RBFOX1: variants seen among roughly 807,000 people sequenced by gnomAD.
RBFOX1 encodes the protein RNA binding fox-1 homolog 1.
A neutral mutation model predicts 57.7 loss-of-function variants in RBFOX1; 8 were observed. The ratio of observed to expected loss-of-function variants is 0.14; its 90% CI spans 0.08 to 0.25. The LOEUF is 0.25. RBFOX1 is among the 10% of genes least tolerant of loss of function. The pLI, the probability that RBFOX1 is intolerant of heterozygous loss-of-function variation, is 1.00. For synonymous variants in RBFOX1, 326 were observed against 222.4 expected (o/e 1.47, Z -4.15); for missense variants, 611 against 548.5 (o/e 1.11, Z -1.14).
chr16:7,657,331 G>GTCTT (rs1667880525), intron 12 of RBFOX1, among the ~76,000 whole-genome samples: 2 of 152,118 alleles, frequency 1.3e-5, no homozygotes, highest in South Asian at 4.1e-4. Flanking sequence ...TTGAGACGGA[G>GTCTT]TCTTACTCTG....
At chr16:7,393,660 C>T (rs2098085987) in intron 4 of RBFOX1, among the ~76,000 whole-genome samples, 1 of 152,094 alleles carries the variant, frequency 6.6e-6, no homozygotes, top group African/African-American at 2.4e-5. Flanking sequence ...GTAAGAAGAT[C>T]TGGATTATTC....
intron 3 of RBFOX1, among the ~76,000 whole-genome samples, chr16:6,959,739 C>G (rs1021737286): frequency 6.6e-6 from 1 of 152,068 alleles, no homozygotes; most frequent in Non-Finnish European, 1.5e-5. Flanking sequence ...GAGTTCGAGA[C>G]CAGCCTGGCC....
At chr16:6,594,118 A>G (rs1215213301) in intron 2 of RBFOX1, among the ~76,000 whole-genome samples, 1 of 152,250 alleles carries the variant, frequency 6.6e-6, no homozygotes, top group Admixed American at 6.5e-5. Context: ...GAAGTGGAAC[A>G]GCAATTCATA....
At chr16:6,646,228 C>G (rs1003737291) in intron 2 of RBFOX1, among the ~76,000 whole-genome samples, 1 of 152,042 alleles carries the variant, frequency 6.6e-6, no homozygotes, top group Non-Finnish European at 1.5e-5. Flanking sequence ...CAGCGTGATC[C>G]GAACAATAAT....
intron 3 of RBFOX1, among the ~76,000 whole-genome samples, chr16:6,773,002 A>ATTTGTGTGTG (rs1555454910): frequency 1.4e-5 from 1 of 73,678 alleles, no homozygotes; most frequent in Non-Finnish European, 3.1e-5. Flanking sequence ...TGGGGTGCAT[A>ATTTGTGTGTG]TGTGTGTGTG....
intron 2 of RBFOX1, among the ~76,000 whole-genome samples, chr16:5,501,342 GA>G (rs1322379625): frequency 8.9e-6 from 1 of 111,928 alleles, no homozygotes; most frequent in African/African-American, 3.8e-5. Flanking sequence ...AAAAAAAAAA[GA>G]AAAAATAAAA....
At chr16:5,801,915 A>G (rs2055070252) in intron 3 of RBFOX1, among the ~76,000 whole-genome samples, 1 of 152,108 alleles carries the variant, frequency 6.6e-6, no homozygotes, top group Non-Finnish European at 1.5e-5. Context: ...ATGGAGCATA[A>G]AGGAAAGCGA....
At chr16:6,088,530 C>CTCCTTCCTTCCTTCCT (rs144314209) in intron 1 of RBFOX1, among the ~76,000 whole-genome samples, 44 of 149,992 alleles carry the variant, frequency 2.9e-4, no homozygotes, top group African/African-American at 1.1e-3. Context: ...CTTTCCTTTT[C>CTCCTTCCTTCCTTCCT]TCCTTCCTTC....
At position 6,515,705 on chromosome 16, in the gene RBFOX1, G is replaced by A. The variant is rs552542146; in HGVS notation, c.-63-138898G>A. On this transcript the variant is annotated intron_variant, in intron 2 of 15. Coordinates refer to ENST00000550418, the MANE Select transcript of RBFOX1 (RefSeq NM_018723.4). The stretch of plus-strand genomic sequence containing the variant: ...ATTCCATTTCTCAAAACCCTCCCCT[G>A]CTTTGACTTCAGGCTACCCCATACC... Among the ~76,000 whole-genome samples, 4 of 152,008 alleles carry A rather than the reference G, an allele frequency of 2.6e-5. No individual in the cohort carries two copies. In the East Asian group the frequency reaches 7.7e-4, roughly 29 times the overall value.
In RBFOX1 at chr16:6,539,906, C is replaced by T. The variant is rs576322650; in HGVS notation, c.-63-114697C>T. Among the ~76,000 whole-genome samples, 37 of 151,896 alleles carry T rather than the reference C, an allele frequency of 2.4e-4. No individual in the cohort carries two copies. In the East Asian group the frequency reaches 5.7e-3, roughly 23 times the overall value. ...GCTTCTGCATGAACTTTTAAACCTT[C>T]TCCACCAAGGCAAGGTAACTTTAAA... On this transcript the variant is annotated intron_variant, in intron 2 of 15. Coordinates refer to ENST00000550418, the MANE Select transcript of RBFOX1 (RefSeq NM_018723.4).
At chr16:7,095,930 A>C (rs944772893) in intron 4 of RBFOX1, among the ~76,000 whole-genome samples, 1 of 150,482 alleles carries the variant, frequency 6.6e-6, no homozygotes, top group Non-Finnish European at 1.5e-5. Flanking sequence ...GGAGAATGGC[A>C]TGAACCCAGG....
chr16:7,064,161 C>CT (rs869135535), intron 4 of RBFOX1, among the ~76,000 whole-genome samples: 315 of 96,800 alleles, frequency 3.3e-3, no homozygotes, highest in Middle Eastern at 6.9e-3. Context: ...GACTGGTGTT[C>CT]TTTTTTTTTT....
At chr16:7,438,969 A>G (rs996739997) in intron 4 of RBFOX1, among the ~76,000 whole-genome samples, 1 of 152,336 alleles carries the variant, frequency 6.6e-6, no homozygotes. Context: ...AGTGAGAAGC[A>G]CCTGTATGTA....
chr16:6,861,265 T>C lies in RBFOX1; in HGVS notation c.-15-190792T>C, dbSNP rs148012636. ...TTTTTTGAGCACCACACTCTAACCA[T>C]AGTCTTTGCAAAAGGGTTTTATACA... is the stretch of plus-strand genomic sequence containing the variant. On this transcript the variant is annotated intron_variant, in intron 3 of 15. Coordinates refer to ENST00000550418, the MANE Select transcript of RBFOX1 (RefSeq NM_018723.4). Among the ~76,000 whole-genome samples, 784 of 152,272 alleles carry C rather than the reference T, an allele frequency of 5.1e-3. 7 individuals carry two copies. The highest frequency in any genetic ancestry group is 0.018 in the African/African-American group (729 of 41,552).
rs112781046 is a variant in RBFOX1, at chr16:7,533,086, G to A, written c.270+14697G>A. ...TGTCATCCGTCCCCTCTGACTATTT[G>A]TCATAGTCGCCAGCACTGCCTGTAG... On this transcript the variant is annotated intron_variant, in intron 5 of 15. Transcript: ENST00000550418. 2.6e-5 allele frequency among the ~76,000 whole-genome samples: 4 copies of A among 152,302 alleles called. 1 individual carries two copies. Among genetic ancestry groups the A allele is most frequent in the African/African-American group, 9.6e-5 (4 of 41,566 alleles).
At chr16:6,563,811 G>A (rs2097217186) in intron 2 of RBFOX1, among the ~76,000 whole-genome samples, 1 of 151,622 alleles carries the variant, frequency 6.6e-6, no homozygotes, top group Admixed American at 6.6e-5. Context: ...AGGAGACACA[G>A]TGGGATCCTG....
In RBFOX1 at chr16:6,884,147, T is replaced by G. The variant is rs143082201; in HGVS notation, c.-15-167910T>G. ...CTGATGCTCGACCGAGCAGAGCTAC[T>G]GCAGACAGAAGCTGCTTCCGAGGCC... On this transcript the variant is annotated intron_variant, in intron 3 of 15. Transcript: ENST00000550418. 6.7e-3 allele frequency among the ~76,000 whole-genome samples: 1,027 copies of G among 152,306 alleles called. 10 individuals carry two copies. The highest frequency in any genetic ancestry group is 0.023 in the African/African-American group (972 of 41,564).
At chr16:7,139,168 A>ATCTCTCTCTCTCTC (rs144266030) in intron 4 of RBFOX1, among the ~76,000 whole-genome samples, 64 of 139,492 alleles carry the variant, frequency 4.6e-4, no homozygotes, top group African/African-American at 1.5e-3. Flanking sequence ...GATGAAATCA[A>ATCTCTCTCTCTCTC]TCTCTCTCTG....
chr16:7,568,581 C>G (rs1315599623), intron 5 of RBFOX1, among the ~76,000 whole-genome samples: 3 of 152,022 alleles, frequency 2.0e-5, no homozygotes, highest in African/African-American at 7.2e-5. Flanking sequence ...TTATCTCATC[C>G]TGTGACTTAG....
Sources: allele counts gnomAD v4.1 joint callset (sites outside exome capture counted in the v4.1 genomes callset), GRCh38; gene constraint gnomAD v4.1.1; transcripts MANE v1.5; gene names NCBI Gene and HGNC (gene_info 2026-07-23, HGNC 2026-07-21).